The following MYL4 variants were observed in gnomAD, a reference collection of about 807,000 sequenced individuals.
The protein encoded by MYL4 is atrial myosin light chain 1.
Under a neutral mutation model 21.6 loss-of-function variants are expected in MYL4, and 16 were observed. The observed-to-expected ratio is 0.74, with a 90% CI of 0.50 to 1.12. The LOEUF (loss-of-function observed/expected upper bound fraction) is 1.12. MYL4 is among the 50% of genes most tolerant of loss of function. MYL4 has a pLI of 0.00. For synonymous variants in MYL4, 82 were observed against 95.7 expected (o/e 0.86, Z 0.83); for missense variants, 249 against 252.9 (o/e 0.98, Z 0.11).
chr17:47,196,955 A>T (rs1306546139), upstream of MYL4, among the ~76,000 whole-genome samples: 1 of 151,894 alleles, frequency 6.6e-6, no homozygotes, highest in Non-Finnish European at 1.5e-5. Context: ...AAATATATAA[A>T]TATTTTTGAA....
chr17:47,214,363 C>G (rs1483241356), intron 2 of MYL4, among the ~76,000 whole-genome samples: 1 of 152,210 alleles, frequency 6.6e-6, no homozygotes, highest in Admixed American at 6.5e-5. Flanking sequence ...AATATGCTAA[C>G]CCACTAATGG....
Position 47,213,986 on chromosome 17 carries a change from T to C in MYL4, c.163+160T>C, listed in dbSNP as rs138826999. 507 of 805,416 alleles carry C rather than the reference T, an allele frequency of 6.3e-4. 1 individual carries two copies. Among genetic ancestry groups the C allele is most frequent in the African/African-American group, 4.9e-3 (290 of 59,212 alleles). 49.9% of individuals were successfully genotyped at this position (805,416 alleles called of 1,614,324 possible). On this transcript the variant is annotated intron_variant, in intron 2 of 6. Transcript: ENST00000393450. ...AGCATCTACCATGTGTCAGGCATAG[T>C]CCTAGGCACTTTATATGGATTAACT... is the stretch of plus-strand genomic sequence containing the variant.
rs1598655226 is a variant in MYL4, at chr17:47,214,782, C to A, written c.163+956C>A. 2.6e-5 allele frequency among the ~76,000 whole-genome samples: 4 copies of A among 152,126 alleles called. No homozygotes were observed. The South Asian group carries it at 8.3e-4, about 32-fold the overall frequency. On this transcript the variant is annotated intron_variant, in intron 2 of 6. Coordinates refer to ENST00000393450, the MANE Select transcript of MYL4 (RefSeq NM_002476.2). ...TATGTATGAGTGTATACAGTTTATA[C>A]AAATCAAGCCGTGTGATACACACTG...
chr17:47,202,587 A>T (rs1567742390), intron 1 of MYL4, among the ~76,000 whole-genome samples: 1 of 152,250 alleles, frequency 6.6e-6, no homozygotes, highest in Non-Finnish European at 1.5e-5. Context: ...AAGCAAAAAC[A>T]TATCAGTTTT....
chr17:47,220,044 A>G lies in MYL4; in HGVS notation c.304A>G (p.Lys102Glu), dbSNP rs2064844186. 7 of 1,613,166 alleles carry G rather than the reference A, an allele frequency of 4.3e-6. No individual in the cohort carries two copies. The highest frequency in any genetic ancestry group is 5.1e-6 in the Non-Finnish European group (6 of 1,179,494). ...GGTGCTGCGTGTGCTGGGCAAGCCC[A>G]AGCCTGAAGGTCAGTGCGGCTGCAT... Reference protein sequence around the residue: ...AEVLRVLGKPKPEEMNVKMLD... With the variant: ...AEVLRVLGKPEPEEMNVKMLD... The change falls in exon 3 of 7, where the codon AAG becomes GAG. Residue 102 changes from lysine (K) to glutamate (E), a missense_variant. By Grantham distance (56) the Lys-to-Glu change is moderately conservative. Coordinates refer to ENST00000393450, the MANE Select transcript of MYL4 (RefSeq NM_002476.2).
chr17:47,201,084 A>G (rs2064707589), intron 1 of MYL4, among the ~76,000 whole-genome samples: 2 of 152,238 alleles, frequency 1.3e-5, no homozygotes. Flanking sequence ...AGGCAGAAGA[A>G]TCGCTTGAAC....
At chr17:47,223,225 C>A in intron 6 of MYL4, 168 bp downstream of exon 6, 1 of 643,312 alleles carries the variant, frequency 1.6e-6, no homozygotes, top group Non-Finnish European at 2.7e-6. Context: ...CTGTCTCCTG[C>A]CTGCCCTTGC....
intron 1 of MYL4, 90 bp from the exon 2 acceptor site, chr17:47,213,709 G>A (rs2064792463): frequency 1.5e-6 from 2 of 1,369,460 alleles, no homozygotes; most frequent in African/African-American, 3.0e-5. Context: ...ATACTGCATT[G>A]GAAGCCACTT....
At chr17:47,199,809 C>G (rs2064703294), upstream of MYL4, among the ~76,000 whole-genome samples, 1 of 145,868 alleles carries the variant, frequency 6.9e-6, no homozygotes, top group Non-Finnish European at 1.5e-5. Context: ...CATCTCAGCT[C>G]ACTGCAACCT....
chr17:47,221,980 C>T (rs1314595008), intron 4 of MYL4, 125 bp downstream of exon 4: 10 of 1,100,260 alleles, frequency 9.1e-6, no homozygotes, highest in Non-Finnish European at 1.3e-5. Context: ...AGGATAATGA[C>T]CTGATCCAGG....
chr17:47,222,001 C>A, intron 4 of MYL4, 146 bp downstream of exon 4: 1 of 968,004 alleles, frequency 1.0e-6, no homozygotes, highest in Non-Finnish European at 1.5e-6. Context: ...CCCTGTCTCC[C>A]TGGGCTCTGC....
chr17:47,193,451 A>G, the MYL4 span, among the ~76,000 whole-genome samples: 1 of 152,114 alleles, frequency 6.6e-6, no homozygotes, highest in Non-Finnish European at 1.5e-5. Context: ...TATTTTCAGT[A>G]GAGACGGAGT....
chr17:47,200,946 T>C (rs944501590), intron 1 of MYL4, among the ~76,000 whole-genome samples: 5 of 152,106 alleles, frequency 3.3e-5, no homozygotes, highest in African/African-American at 1.2e-4. Flanking sequence ...CCAAGGCAGG[T>C]GGATCACTTG....
intron 1 of MYL4, among the ~76,000 whole-genome samples, chr17:47,202,893 T>G (rs1440143701): frequency 6.6e-6 from 1 of 152,238 alleles, no homozygotes; most frequent in Non-Finnish European, 1.5e-5. Context: ...CATAAATTCC[T>G]TCACCTATCT....
chr17:47,217,284 C>T (rs530743048), intron 2 of MYL4, among the ~76,000 whole-genome samples: 5 of 151,982 alleles, frequency 3.3e-5, no homozygotes, highest in South Asian at 2.1e-4. Flanking sequence ...TGGTGAAACC[C>T]CACCTCTACC....
At chr17:47,198,343 G>T (rs941795706), upstream of MYL4, among the ~76,000 whole-genome samples, 7 of 152,034 alleles carry the variant, frequency 4.6e-5, no homozygotes, top group Non-Finnish European at 7.3e-5. Flanking sequence ...TAAATTTAAT[G>T]ATCTTAGTGG....
intron 3 of MYL4, 47 bp downstream of exon 3, chr17:47,220,100 C>T (rs1221172748): frequency 2.6e-6 from 4 of 1,545,240 alleles, no homozygotes; most frequent in South Asian, 2.5e-5. Flanking sequence ...AGGCTTGCAG[C>T]CCCTTGGCTT....
chr17:47,207,316 C>G (rs1390097580), upstream of MYL4, among the ~76,000 whole-genome samples: 1 of 152,166 alleles, frequency 6.6e-6, no homozygotes, highest in Non-Finnish European at 1.5e-5. Context: ...GCACTGCACC[C>G]CAGGAAACAG....
chr17:47,195,333 G>T, the MYL4 span, among the ~76,000 whole-genome samples: 142 of 151,396 alleles, frequency 9.4e-4, no homozygotes, highest in Non-Finnish European at 1.7e-3. Flanking sequence ...AGGTTCAAGC[G>T]ATTCTCCTGC....
Sources: gnomAD v4.1 joint callset for allele counts (sites outside exome capture counted in the v4.1 genomes callset) on GRCh38, gnomAD v4.1.1 for gene constraint, MANE v1.5 for transcripts, NCBI Gene and HGNC (gene_info 2026-07-23, HGNC 2026-07-21) for gene names.